KCNIP1: variants seen among roughly 807,000 people sequenced by gnomAD.
KCNIP1 encodes the protein A-type potassium channel modulatory protein KCNIP1.
In KCNIP1, 18 loss-of-function variants were observed where a neutral mutation model predicts 33.0. That is an observed-to-expected ratio of 0.55 (90% confidence interval 0.38 to 0.81). The LOEUF (loss-of-function observed/expected upper bound fraction) is 0.81. Among genes scored for constraint, KCNIP1 ranks in the 30% least tolerant of loss-of-function variants. KCNIP1 has a pLI of 0.00. For missense variants in KCNIP1, 238 were observed against 271.6 expected (o/e 0.88, Z 0.87); for synonymous variants, 93 against 98.3 (o/e 0.95, Z 0.32).
intron 1 of KCNIP1, among the ~76,000 whole-genome samples, chr5:170,620,223 C>A (rs1759550839): frequency 6.6e-6 from 1 of 152,196 alleles, no homozygotes; most frequent in Non-Finnish European, 1.5e-5. Context: ...AACACATGCA[C>A]CAACCTTTCC....
chr5:170,527,019 G>A (rs933860202), intron 1 of KCNIP1, among the ~76,000 whole-genome samples: 5 of 152,020 alleles, frequency 3.3e-5, no homozygotes, highest in South Asian at 2.1e-4. Context: ...CACCGCACCC[G>A]GCCTGATTAG....
chr5:170,582,171 C>G (rs543033251), intron 1 of KCNIP1, among the ~76,000 whole-genome samples: 2 of 152,284 alleles, frequency 1.3e-5, no homozygotes, highest in East Asian at 3.9e-4. Flanking sequence ...AACTATAGCA[C>G]CCACCTAACG....
At chr5:170,550,010 G>GT (rs111261835) in intron 1 of KCNIP1, among the ~76,000 whole-genome samples, 36,835 of 152,074 alleles carry the variant, frequency 0.24, 6,959 homozygotes, top group African/African-American at 0.53. Context: ...AAAAGATATA[G>GT]TTCTGTCTCA....
chr5:170,680,428 C>T (rs1472986465), intron 1 of KCNIP1: 1 of 152,184 alleles, frequency 6.6e-6, no homozygotes, highest in Non-Finnish European at 1.5e-5. Context: ...ACTTAGCCAG[C>T]CTGATTACCC....
chr5:170,673,250 G>A (rs139684376), intron 1 of KCNIP1, among the ~76,000 whole-genome samples: 1 of 152,364 alleles, frequency 6.6e-6, no homozygotes, highest in East Asian at 1.9e-4. Flanking sequence ...CACAGTTAAA[G>A]TGAGACAAAC....
chr5:170,480,274 A>G (rs1055568580), intron 1 of KCNIP1, among the ~76,000 whole-genome samples: 1 of 152,232 alleles, frequency 6.6e-6, no homozygotes, highest in Non-Finnish European at 1.5e-5. Flanking sequence ...AATTTCTTTC[A>G]GAACCAAAAG....
intron 1 of KCNIP1, among the ~76,000 whole-genome samples, chr5:170,654,244 G>A (rs17565077): frequency 0.057 from 8,621 of 152,192 alleles, 306 homozygotes; most frequent in Non-Finnish European, 0.081. Context: ...CATTGACCTA[G>A]GCACCCGTTT....
At chr5:170,466,039 G>T (rs1756602476) in intron 1 of KCNIP1, among the ~76,000 whole-genome samples, 1 of 152,188 alleles carries the variant, frequency 6.6e-6, no homozygotes, top group Non-Finnish European at 1.5e-5. Flanking sequence ...CCAAGGAGGG[G>T]ACTAGTGCAT....
At chr5:170,734,068 T>C (rs1035910571) in intron 7 of KCNIP1, among the ~76,000 whole-genome samples, 170 bp downstream of exon 7, 2 of 152,094 alleles carry the variant, frequency 1.3e-5, no homozygotes, top group African/African-American at 4.8e-5. Context: ...CTCCTCAACC[T>C]GACCTGCAGT....
intron 1 of KCNIP1, chr5:170,383,772 C>A: frequency 6.2e-7 from 1 of 1,614,116 alleles, no homozygotes; most frequent in Non-Finnish European, 8.5e-7. Context: ...GGTACTGGGG[C>A]ACCTTCTTGC....
chr5:170,571,043 A>G (rs149725644), intron 1 of KCNIP1, among the ~76,000 whole-genome samples: 12 of 152,292 alleles, frequency 7.9e-5, no homozygotes, highest in African/African-American at 2.6e-4. Context: ...GAAGCCTGCA[A>G]TTTGTTCTCT....
chr5:170,475,874 TA>T (rs1366857491), intron 1 of KCNIP1, among the ~76,000 whole-genome samples: 1 of 152,162 alleles, frequency 6.6e-6, no homozygotes, highest in African/African-American at 2.4e-5. Flanking sequence ...CATCCAATAT[TA>T]CCCCCTTGTC....
chr5:170,478,530 C>T (rs1271307863), intron 1 of KCNIP1, among the ~76,000 whole-genome samples: 1 of 152,016 alleles, frequency 6.6e-6, no homozygotes, highest in Non-Finnish European at 1.5e-5. Context: ...CCAGATGGCC[C>T]TAGGGACTCT....
chr5:170,430,015 A>T lies in KCNIP1; in HGVS notation c.88+76051A>T, dbSNP rs1010951089. Among the ~76,000 whole-genome samples the T allele has an allele frequency of 2.6e-5, 4 of 152,132 alleles. No individual in the cohort carries two copies. The East Asian group carries it at 7.7e-4, about 29-fold the overall frequency. ...ATTAGACCACAGACCAAAGACTCCC[A>T]CTGATGTCCCCACAGATTTCACCAC... On this transcript the variant is annotated intron_variant, in intron 1 of 7. Transcript: ENST00000377360.
chr5:170,537,121 G>A (rs1237110961), intron 1 of KCNIP1, among the ~76,000 whole-genome samples: 3 of 152,188 alleles, frequency 2.0e-5, no homozygotes, highest in Admixed American at 2.0e-4. Context: ...GTGGCTCAGA[G>A]AGGTAGCAGC....
chr5:170,495,779 A>G (rs1306563986), intron 1 of KCNIP1, among the ~76,000 whole-genome samples: 1 of 152,198 alleles, frequency 6.6e-6, no homozygotes, highest in East Asian at 1.9e-4. Context: ...ACAGGAAATA[A>G]CAGAAGGAGC....
chr5:170,363,287 C>T (rs1031164807), intron 1 of KCNIP1, among the ~76,000 whole-genome samples: 2 of 152,238 alleles, frequency 1.3e-5, no homozygotes, highest in Non-Finnish European at 2.9e-5. Context: ...CTGTCACAGA[C>T]TGAATTGTGT....
At chr5:170,418,142 C>A (rs540044933) in intron 1 of KCNIP1, among the ~76,000 whole-genome samples, 32 of 152,164 alleles carry the variant, frequency 2.1e-4, no homozygotes, top group Non-Finnish European at 4.3e-4. Flanking sequence ...TCAAATAACC[C>A]CTTCCCGGCT....
chr5:170,488,357 G>A (rs891218385), intron 1 of KCNIP1, among the ~76,000 whole-genome samples: 3 of 152,180 alleles, frequency 2.0e-5, no homozygotes, highest in African/African-American at 7.2e-5. Flanking sequence ...GTGTCCTTAT[G>A]CCTGGTGCAG....
Sources: gnomAD v4.1 joint callset for allele counts (sites outside exome capture counted in the v4.1 genomes callset) on GRCh38, gnomAD v4.1.1 for gene constraint, MANE v1.5 for transcripts, NCBI Gene and HGNC (gene_info 2026-07-23, HGNC 2026-07-21) for gene names.